The following EYS variants were observed in gnomAD, a reference collection of about 807,000 sequenced individuals.
EYS encodes protein eyes shut homolog.
EYS carries 250 observed loss-of-function variants against 282.1 expected under a neutral mutation model. The observed-to-expected ratio is 0.89, with a 90% CI of 0.80 to 0.98. EYS has a LOEUF of 0.98. Among genes scored for constraint, EYS ranks in the 50% least tolerant of loss-of-function variants. The pLI is 0.00. For synonymous variants in EYS, 1,355 were observed against 1,282.9 expected (o/e 1.06, Z -1.20); for missense variants, 4,016 against 3,709.0 (o/e 1.08, Z -2.15).
chr6:65,526,576 G>A (rs951103452), intron 2 of EYS, among the ~76,000 whole-genome samples: 1 of 152,048 alleles, frequency 6.6e-6, no homozygotes, highest in African/African-American at 2.4e-5. Context: ...GAGGCCGAGG[G>A]GGGTGGATCA....
chr6:65,286,718 T>C (rs1337808675), intron 12 of EYS, among the ~76,000 whole-genome samples: 2 of 151,716 alleles, frequency 1.3e-5, no homozygotes, highest in African/African-American at 2.4e-5. Flanking sequence ...GTCTCAGTGA[T>C]ATGCCACTTA....
At chr6:64,731,515 C>T (rs1387358830) in intron 22 of EYS, among the ~76,000 whole-genome samples, 2 of 152,160 alleles carry the variant, frequency 1.3e-5, no homozygotes, top group Non-Finnish European at 2.9e-5. Context: ...GGAACAAACA[C>T]TTCTCAAAAG....
chr6:65,006,500 AGT>A (rs1771664182), intron 13 of EYS, among the ~76,000 whole-genome samples: 2 of 62,822 alleles, frequency 3.2e-5, no homozygotes, highest in Admixed American at 1.7e-4. Flanking sequence ...AGTTATTCTA[AGT>A]CAAAAAAAAA....
intron 39 of EYS, among the ~76,000 whole-genome samples, chr6:63,785,339 T>C (rs2149668684): frequency 6.6e-6 from 1 of 152,316 alleles, no homozygotes; most frequent in East Asian, 1.9e-4. Context: ...GTTTTACTTG[T>C]TTCTTCCCCT....
chr6:65,275,011 G>A (rs536360743), intron 12 of EYS, among the ~76,000 whole-genome samples: 2 of 152,154 alleles, frequency 1.3e-5, no homozygotes, highest in South Asian at 4.1e-4. Context: ...CTAGTGATCT[G>A]AAAAGCTGCT....
chr6:65,276,031 G>A (rs931922343), intron 12 of EYS, among the ~76,000 whole-genome samples: 1 of 152,008 alleles, frequency 6.6e-6, no homozygotes, highest in African/African-American at 2.4e-5. Flanking sequence ...CTCATTTCAT[G>A]GCAAATGAAG....
intron 36 of EYS, among the ~76,000 whole-genome samples, chr6:63,826,431 C>T (rs752501525): frequency 6.6e-6 from 1 of 152,122 alleles, no homozygotes; most frequent in Non-Finnish European, 1.5e-5. Flanking sequence ...ATTGCCTAGG[C>T]ACATTGTCAT....
intron 13 of EYS, among the ~76,000 whole-genome samples, chr6:64,999,888 G>T (rs1040120050): frequency 3.9e-5 from 6 of 152,270 alleles, no homozygotes; most frequent in African/African-American, 1.4e-4. Context: ...GGCTTGCATT[G>T]TCTGAGAGCT....
At chr6:63,840,974 T>A (rs1314179764) in intron 36 of EYS, among the ~76,000 whole-genome samples, 2 of 152,184 alleles carry the variant, frequency 1.3e-5, no homozygotes, top group African/African-American at 4.8e-5. Context: ...CTTTGTTCTA[T>A]TTCTCAAGAT....
chr6:64,887,567 A>G lies in EYS; in HGVS notation c.2847-725T>C, dbSNP rs9453097. Among the ~76,000 whole-genome samples the G allele has an allele frequency of 1.8e-3, 271 of 152,216 alleles. 1 individual carries two copies. The highest frequency in any genetic ancestry group is 6.4e-3 in the African/African-American group (265 of 41,576). ...GATAAAGAAGCTTTAGCAACTTTCC[A>G]TAAAATGTTTTTGAGCTAGATTTCT... On this transcript the variant is annotated intron_variant, in intron 18 of 42. Coordinates refer to ENST00000503581, the MANE Select transcript of EYS (RefSeq NM_001142800.2).
At chr6:64,490,196 A>G (rs900523108) in intron 26 of EYS, among the ~76,000 whole-genome samples, 35 of 150,888 alleles carry the variant, frequency 2.3e-4, no homozygotes, top group African/African-American at 8.2e-4. Context: ...CCTGGGCCAT[A>G]TAAGACTATT....
chr6:64,670,243 C>T (rs1410795024), intron 22 of EYS, among the ~76,000 whole-genome samples: 1 of 151,918 alleles, frequency 6.6e-6, no homozygotes, highest in Admixed American at 6.6e-5. Flanking sequence ...GGATCCTTCT[C>T]GCCCTCATTT....
chr6:65,514,697 C>A (rs540591618), intron 2 of EYS, among the ~76,000 whole-genome samples: 1 of 152,136 alleles, frequency 6.6e-6, no homozygotes, highest in Non-Finnish European at 1.5e-5. Context: ...GGAAAGGACT[C>A]CCTATTTAAT....
chr6:64,171,580 A>T (rs1345561138), intron 31 of EYS, among the ~76,000 whole-genome samples: 1 of 151,872 alleles, frequency 6.6e-6, no homozygotes, highest in Non-Finnish European at 1.5e-5. Flanking sequence ...ATTTTGAAGC[A>T]AAAGAAAACC....
At chr6:63,772,033 T>C (rs1769936799) in intron 40 of EYS, among the ~76,000 whole-genome samples, 1 of 152,176 alleles carries the variant, frequency 6.6e-6, no homozygotes, top group African/African-American at 2.4e-5. Context: ...CTCCAAGAAG[T>C]CTTGGTTCAT....
At chr6:63,780,777 CT>C (rs1770201739) in intron 39 of EYS, among the ~76,000 whole-genome samples, 1 of 152,126 alleles carries the variant, frequency 6.6e-6, no homozygotes, top group African/African-American at 2.4e-5. Context: ...TCAATTTTGG[CT>C]TTTGTTGCCA....
chr6:63,829,564 G>A (rs1208751681), intron 36 of EYS, among the ~76,000 whole-genome samples: 1 of 152,212 alleles, frequency 6.6e-6, no homozygotes, highest in Non-Finnish European at 1.5e-5. Flanking sequence ...AAGCAGCTGG[G>A]AAGCTCAAAC....
intron 22 of EYS, among the ~76,000 whole-genome samples, chr6:64,692,306 G>C (rs531358280): frequency 1.3e-5 from 2 of 152,260 alleles, no homozygotes; most frequent in African/African-American, 4.8e-5. Flanking sequence ...CTTTGGAGAA[G>C]TGTCTGTTCA....
chr6:63,948,325 G>A (rs535323164), intron 35 of EYS, among the ~76,000 whole-genome samples: 11 of 152,118 alleles, frequency 7.2e-5, no homozygotes, highest in Non-Finnish European at 1.3e-4. Context: ...CTTTCTCATA[G>A]CATGTGCACT....
Sources: allele counts gnomAD v4.1 joint callset (sites outside exome capture counted in the v4.1 genomes callset), GRCh38; gene constraint gnomAD v4.1.1; transcripts MANE v1.5; gene names NCBI Gene and HGNC (gene_info 2026-07-23, HGNC 2026-07-21).